Variants in MARCHF1 observed in about 807,000 individuals in gnomAD.
MARCHF1 encodes the protein E3 ubiquitin-protein ligase MARCHF1.
MARCHF1 carries 40 observed loss-of-function variants against 54.2 expected under a neutral mutation model. The ratio of observed to expected loss-of-function variants is 0.74; its 90% CI spans 0.57 to 0.96. The LOEUF is 0.96. Among genes scored for constraint, MARCHF1 ranks in the 40% least tolerant of loss-of-function variants. The pLI, the probability that MARCHF1 is intolerant of heterozygous loss-of-function variation, is 0.00. For missense variants in MARCHF1, 586 were observed against 656.5 expected (o/e 0.89, Z 1.17); for synonymous variants, 236 against 236.3 (o/e 1.00, Z 0.01).
intron 2 of MARCHF1, among the ~76,000 whole-genome samples, chr4:164,036,644 T>G (rs1378056899): frequency 6.6e-6 from 1 of 152,194 alleles, no homozygotes; most frequent in African/African-American, 2.4e-5. Context: ...CAACAAGTGA[T>G]GTAATTACAG....
intron 5 of MARCHF1, among the ~76,000 whole-genome samples, chr4:163,647,043 G>A (rs573779742): frequency 4.2e-4 from 64 of 152,180 alleles, no homozygotes; most frequent in South Asian, 1.0e-3. Flanking sequence ...GACACACATA[G>A]ACTGAAAGTG....
intron 1 of MARCHF1, among the ~76,000 whole-genome samples, chr4:164,125,989 G>A (rs543089715): frequency 2.6e-5 from 4 of 152,326 alleles, no homozygotes; most frequent in Admixed American, 6.5e-5. Flanking sequence ...AGACCACTGT[G>A]TTATACACCT....
At chr4:164,302,741 T>C (rs947113753) in intron 1 of MARCHF1, among the ~76,000 whole-genome samples, 2 of 151,850 alleles carry the variant, frequency 1.3e-5, no homozygotes, top group East Asian at 3.9e-4. Flanking sequence ...TGGTGGCCCA[T>C]GCCTGTAATC....
intron 4 of MARCHF1, among the ~76,000 whole-genome samples, chr4:163,747,789 A>C (rs1746404385): frequency 6.6e-6 from 1 of 152,222 alleles, no homozygotes; most frequent in East Asian, 1.9e-4. Context: ...GAAAACAGAA[A>C]GAAATATAAC....
intron 4 of MARCHF1, among the ~76,000 whole-genome samples, chr4:163,851,907 A>C (rs879709951): frequency 1.3e-5 from 2 of 152,214 alleles, no homozygotes; most frequent in Admixed American, 6.5e-5. Flanking sequence ...TGAACCTCCA[A>C]GGAGAGCTGG....
intron 1 of MARCHF1, among the ~76,000 whole-genome samples, chr4:164,266,814 AG>A (rs1733622628): frequency 6.6e-6 from 1 of 152,196 alleles, no homozygotes; most frequent in Admixed American, 6.6e-5. Flanking sequence ...ATATAGACAA[AG>A]GTAACTTTTA....
At chr4:163,659,367 T>C (rs1236444762) in intron 5 of MARCHF1, among the ~76,000 whole-genome samples, 1 of 152,094 alleles carries the variant, frequency 6.6e-6, no homozygotes. Context: ...AAACAGAAAC[T>C]GGACCCCTTC....
chr4:164,078,083 T>C (rs966581802), intron 2 of MARCHF1, among the ~76,000 whole-genome samples: 7 of 152,132 alleles, frequency 4.6e-5, no homozygotes, highest in South Asian at 2.1e-4. Flanking sequence ...CATGCACACG[T>C]ATGTTTATTG....
chr4:163,586,866 G>C (rs1165060715), intron 7 of MARCHF1, among the ~76,000 whole-genome samples: 1 of 152,124 alleles, frequency 6.6e-6, no homozygotes, highest in East Asian at 1.9e-4. Flanking sequence ...AAGGAATAAA[G>C]TTAATACAAG....
At position 164,376,593 on chromosome 4, in the gene MARCHF1, C is replaced by A. The variant is rs917356690; in HGVS notation, c.-323+7277G>T. Among the ~76,000 whole-genome samples the A allele has an allele frequency of 2.4e-4, 36 of 152,236 alleles. 1 individual carries two copies. The highest frequency in any genetic ancestry group is 2.4e-5 in the African/African-American group (1 of 41,540). Reference sequence around the variant, plus strand: ...GGGTCACTTCCATGGCCGGTTGAGGCTCCTTCTCACTTGGACCTTATGAGG... The same window carrying A: ...GGGTCACTTCCATGGCCGGTTGAGGATCCTTCTCACTTGGACCTTATGAGG... On this transcript the variant is annotated intron_variant, in intron 1 of 9. Transcript: ENST00000514618.
chr4:164,322,030 G>A (rs1188681784), intron 1 of MARCHF1, among the ~76,000 whole-genome samples: 1 of 151,988 alleles, frequency 6.6e-6, no homozygotes, highest in African/African-American at 2.4e-5. Context: ...AGAGTCAAAT[G>A]TCTCAGCCCA....
chr4:164,322,456 G>T (rs1471410210), intron 1 of MARCHF1, among the ~76,000 whole-genome samples: 1 of 151,888 alleles, frequency 6.6e-6, no homozygotes, highest in Non-Finnish European at 1.5e-5. Flanking sequence ...GGTGGGGGTG[G>T]TTAATTGGTA....
chr4:163,735,776 C>A (rs1746017563), intron 4 of MARCHF1, among the ~76,000 whole-genome samples: 1 of 152,176 alleles, frequency 6.6e-6, no homozygotes, highest in Admixed American at 6.6e-5. Flanking sequence ...TATACTGGAA[C>A]ACTCATTGTT....
intron 3 of MARCHF1, chr4:163,932,606 C>G (rs924107959): frequency 3.3e-5 from 13 of 398,370 alleles, no homozygotes; most frequent in African/African-American, 2.7e-4. Context: ...AGGCCATGAC[C>G]AAGCAGGGCA....
intron 3 of MARCHF1, among the ~76,000 whole-genome samples, chr4:163,962,596 G>A (rs1752362893): frequency 6.6e-6 from 1 of 151,866 alleles, no homozygotes; most frequent in Admixed American, 6.6e-5. Context: ...TGTACATTCT[G>A]CTTAGGCATT....
intron 1 of MARCHF1, among the ~76,000 whole-genome samples, chr4:164,145,476 G>A (rs568347854): frequency 9.9e-4 from 150 of 152,012 alleles, no homozygotes; most frequent in African/African-American, 3.4e-3. Flanking sequence ...TATCCACCAT[G>A]ATCAAGTGGG....
At chr4:164,286,913 A>G (rs1734164879) in intron 1 of MARCHF1, among the ~76,000 whole-genome samples, 1 of 149,864 alleles carries the variant, frequency 6.7e-6, no homozygotes, top group Admixed American at 6.6e-5. Context: ...ACAGGCAAAG[A>G]TTACATCCAT....
chr4:164,034,064 TAGAC>T (rs749006121), intron 2 of MARCHF1, among the ~76,000 whole-genome samples: 1 of 135,662 alleles, frequency 7.4e-6, no homozygotes, highest in African/African-American at 2.9e-5. Context: ...GAAAATGTGA[TAGAC>T]AGATAGATAG....
At chr4:163,827,852 C>T (rs534331206) in intron 4 of MARCHF1, among the ~76,000 whole-genome samples, 23 of 152,050 alleles carry the variant, frequency 1.5e-4, no homozygotes, top group African/African-American at 3.1e-4. Context: ...TTTTTCTTGA[C>T]GGGAAACTTT....
Sources: allele counts gnomAD v4.1 joint callset (sites outside exome capture counted in the v4.1 genomes callset), GRCh38; gene constraint gnomAD v4.1.1; transcripts MANE v1.5; gene names NCBI Gene and HGNC (gene_info 2026-07-23, HGNC 2026-07-21).